FRMD3: variants seen among roughly 807,000 people sequenced by gnomAD.
FRMD3 encodes the protein FERM domain-containing protein 3.
FRMD3 carries 33 observed loss-of-function variants against 70.2 expected under a neutral mutation model. That is an observed-to-expected ratio of 0.47 (90% CI 0.36 to 0.63). FRMD3 has a LOEUF of 0.63. Among genes scored for constraint, FRMD3 ranks in the 20% least tolerant of loss-of-function variants. The pLI, the probability that FRMD3 is intolerant of heterozygous loss-of-function variation, is 0.00. For synonymous variants in FRMD3, 279 were observed against 255.9 expected (o/e 1.09, Z -0.86); for missense variants, 632 against 711.4 (o/e 0.89, Z 1.27).
chr9:83,546,992 T>A, the FRMD3 span, among the ~76,000 whole-genome samples: 18 of 151,128 alleles, frequency 1.2e-4, no homozygotes, highest in African/African-American at 2.7e-4. Context: ...TAAATAAATT[T>A]AAAGACTCAA....
chr9:83,510,477 G>A (rs899944264), intron 1 of FRMD3, among the ~76,000 whole-genome samples: 4 of 152,124 alleles, frequency 2.6e-5, no homozygotes, highest in African/African-American at 7.2e-5. Flanking sequence ...GCAGTTCCTC[G>A]AGAGGTTAAA....
intron 2 of FRMD3, among the ~76,000 whole-genome samples, chr9:83,380,578 T>C (rs1019561988): frequency 3.3e-5 from 5 of 152,126 alleles, no homozygotes; most frequent in Non-Finnish European, 7.4e-5. Flanking sequence ...TTTGGCTTGG[T>C]TGGGGAAAAA....
chr9:83,505,072 A>G (rs917056244), intron 1 of FRMD3, among the ~76,000 whole-genome samples: 6 of 152,168 alleles, frequency 3.9e-5, no homozygotes, highest in Non-Finnish European at 8.8e-5. Flanking sequence ...ACTCTGTGCC[A>G]TGTGTCTATG....
intron 1 of FRMD3, among the ~76,000 whole-genome samples, chr9:83,531,355 T>C (rs1482831115): frequency 6.6e-6 from 1 of 152,222 alleles, no homozygotes; most frequent in African/African-American, 2.4e-5. Context: ...ATTATTGTAT[T>C]CTCCCTGAAG....
chr9:83,322,037 C>T (rs1437366666), intron 6 of FRMD3, among the ~76,000 whole-genome samples: 1 of 152,206 alleles, frequency 6.6e-6, no homozygotes, highest in South Asian at 2.1e-4. Context: ...AACTTGAACT[C>T]GGCCCACGGT....
intron 13 of FRMD3, among the ~76,000 whole-genome samples, chr9:83,286,676 C>T (rs926838491): frequency 5.9e-5 from 9 of 152,096 alleles, no homozygotes; most frequent in South Asian, 2.1e-4. Flanking sequence ...GATCTTGAAC[C>T]GTTTACAAAT....
intron 8 of FRMD3, among the ~76,000 whole-genome samples, 191 bp downstream of exon 8, chr9:83,311,696 G>A (rs542043751): frequency 2.0e-4 from 31 of 152,150 alleles, no homozygotes; most frequent in Non-Finnish European, 1.8e-4. Flanking sequence ...CTCCTAAGTT[G>A]ACTCCTCAGC....
chr9:83,320,214 G>A (rs1272374089), intron 6 of FRMD3, among the ~76,000 whole-genome samples: 1 of 152,074 alleles, frequency 6.6e-6, no homozygotes, highest in African/African-American at 2.4e-5. Flanking sequence ...ATGAAAGTGG[G>A]CATCTTTGTC....
intron 3 of FRMD3, among the ~76,000 whole-genome samples, chr9:83,357,294 T>A (rs1476964693): frequency 2.0e-4 from 17 of 86,496 alleles, no homozygotes; most frequent in East Asian, 8.8e-4. Flanking sequence ...TATATATATA[T>A]ATAAAACATT....
intron 13 of FRMD3, among the ~76,000 whole-genome samples, chr9:83,282,426 C>A (rs1301073644): frequency 6.6e-6 from 1 of 152,150 alleles, no homozygotes; most frequent in African/African-American, 2.4e-5. Context: ...ATATTGCTAA[C>A]CCTTGTGCAA....
At chr9:83,312,662 C>T (rs1005357479) in intron 7 of FRMD3, among the ~76,000 whole-genome samples, 3 of 152,218 alleles carry the variant, frequency 2.0e-5, no homozygotes, top group Admixed American at 6.5e-5. Context: ...GATGTAAATG[C>T]TAGTATGGAC....
At chr9:83,479,671 G>GGAAA (rs1290109477) in intron 1 of FRMD3, among the ~76,000 whole-genome samples, 2,060 of 29,298 alleles carry the variant, frequency 0.07, 102 homozygotes, top group East Asian at 0.13. Context: ...AAGGAAGGAA[G>GGAAA]GAAAGAAAGA....
At chr9:83,510,119 G>A (rs550771322) in intron 1 of FRMD3, among the ~76,000 whole-genome samples, 19 of 152,266 alleles carry the variant, frequency 1.2e-4, no homozygotes, top group African/African-American at 4.1e-4. Flanking sequence ...CCCCAGCCCC[G>A]CAGATGAAAG....
the FRMD3 span, among the ~76,000 whole-genome samples, chr9:83,550,120 G>A: frequency 1.3e-5 from 2 of 151,894 alleles, no homozygotes; most frequent in East Asian, 1.9e-4. Context: ...TTGAGTTGAC[G>A]TTTAGATATG....
chr9:83,368,127 AC>A (rs1372717360), intron 3 of FRMD3, among the ~76,000 whole-genome samples: 3 of 152,136 alleles, frequency 2.0e-5, no homozygotes, highest in African/African-American at 7.2e-5. Flanking sequence ...CATGAAACAG[AC>A]CAGTGGTTGC....
chr9:83,530,927 G>A (rs1015815380), intron 1 of FRMD3, among the ~76,000 whole-genome samples: 4 of 152,142 alleles, frequency 2.6e-5, no homozygotes, highest in Non-Finnish European at 5.9e-5. Context: ...CTGAGTCCCA[G>A]GGTCAAGCTC....
chr9:83,551,007 T>C, the FRMD3 span, among the ~76,000 whole-genome samples: 3 of 152,198 alleles, frequency 2.0e-5, no homozygotes, highest in East Asian at 3.9e-4. Flanking sequence ...GAACTTCCAA[T>C]ACTATGTTGA....
the FRMD3 span, among the ~76,000 whole-genome samples, chr9:83,575,409 G>T: frequency 1.3e-5 from 2 of 152,126 alleles, no homozygotes; most frequent in Non-Finnish European, 2.9e-5. Context: ...GCTTCTGAGA[G>T]CTTCTGAGTT....
At chr9:83,364,590 C>T (rs1442640273) in intron 3 of FRMD3, among the ~76,000 whole-genome samples, 1 of 151,550 alleles carries the variant, frequency 6.6e-6, no homozygotes, top group Non-Finnish European at 1.5e-5. Context: ...TGCAAACAAA[C>T]AAAGCATTCT....
Sources: allele counts gnomAD v4.1 joint callset (sites outside exome capture counted in the v4.1 genomes callset), GRCh38; gene constraint gnomAD v4.1.1; transcripts MANE v1.5; gene names NCBI Gene and HGNC (gene_info 2026-07-23, HGNC 2026-07-21).